Variants in MRPS28 observed in about 807,000 individuals in gnomAD.
MRPS28 encodes the protein mitochondrial ribosomal protein S28.
In MRPS28, 7 loss-of-function variants were observed where a neutral mutation model predicts 10.8. That is an observed-to-expected ratio of 0.65 (90% confidence interval 0.37 to 1.22). MRPS28 has a LOEUF of 1.22. Among genes scored for constraint, MRPS28 ranks in the 50% most tolerant of loss-of-function variants. The pLI is 0.02. For missense variants in MRPS28, 265 were observed against 232.9 expected, an observed-to-expected ratio of 1.14 and a Z score of -0.90; for synonymous variants, 121 against 93.3, an observed-to-expected ratio of 1.30 and a Z score of -1.71.
intron 2 of MRPS28, among the ~76,000 whole-genome samples, chr8:79,922,160 T>G (rs544500558): frequency 6.6e-5 from 10 of 152,338 alleles, no homozygotes; most frequent in Admixed American, 5.2e-4. Flanking sequence ...TGTAAAGTAC[T>G]CAGTATTTGG....
intron 1 of MRPS28, among the ~76,000 whole-genome samples, chr8:80,012,516 C>T (rs1809078987): frequency 6.6e-6 from 1 of 152,218 alleles, no homozygotes; most frequent in Non-Finnish European, 1.5e-5. Context: ...ACTGCAGAGA[C>T]TGGAAGCATA....
At chr8:80,003,320 T>C (rs1808713913) in intron 1 of MRPS28, 140 bp from the exon 2 acceptor site, 2 of 621,746 alleles carry the variant, frequency 3.2e-6, no homozygotes, top group Admixed American at 7.1e-5. Flanking sequence ...ATGCCAGTTA[T>C]GCTCTTCAAC....
chr8:80,021,006 CTTTTTTT>C (rs372456678), intron 1 of MRPS28, among the ~76,000 whole-genome samples: 1 of 143,196 alleles, frequency 7.0e-6, no homozygotes. Flanking sequence ...CACACACACA[CTTTTTTT>C]TTTTTTTTGA....
chr8:79,990,499 A>G (rs1808330995), intron 2 of MRPS28, among the ~76,000 whole-genome samples: 1 of 152,158 alleles, frequency 6.6e-6, no homozygotes, highest in East Asian at 1.9e-4. Context: ...CACCACCATC[A>G]TAACTTTTCA....
At chr8:79,944,506 C>T (rs1806849480) in intron 2 of MRPS28, among the ~76,000 whole-genome samples, 1 of 151,934 alleles carries the variant, frequency 6.6e-6, no homozygotes, top group Admixed American at 6.6e-5. Context: ...TTCATGAGAC[C>T]CTAATAATGA....
At chr8:79,993,947 C>T (rs1459595536) in intron 2 of MRPS28, among the ~76,000 whole-genome samples, 1 of 152,062 alleles carries the variant, frequency 6.6e-6, no homozygotes, top group Non-Finnish European at 1.5e-5. Context: ...AACAAAAGTA[C>T]AAATAAGATT....
intron 1 of MRPS28, among the ~76,000 whole-genome samples, chr8:80,014,959 G>C (rs543242305): frequency 8.3e-4 from 127 of 152,222 alleles, no homozygotes; most frequent in Non-Finnish European, 1.7e-3. Context: ...GGAGAGACAA[G>C]TGAATGCAGA....
chr8:80,018,091 T>C (rs2130227364), intron 1 of MRPS28, among the ~76,000 whole-genome samples: 1 of 151,984 alleles, frequency 6.6e-6, no homozygotes, highest in African/African-American at 2.4e-5. Context: ...ATATCAAGAC[T>C]ATCCTGGTTA....
intron 2 of MRPS28, among the ~76,000 whole-genome samples, chr8:79,971,679 T>C (rs12545981): frequency 0.59 from 89,523 of 152,110 alleles, 28,770 homozygotes; most frequent in East Asian, 0.78. Context: ...ACATGTTGTA[T>C]CACGTCTTAG....
At chr8:80,010,059 T>C (rs1808993567) in intron 1 of MRPS28, among the ~76,000 whole-genome samples, 1 of 152,242 alleles carries the variant, frequency 6.6e-6, no homozygotes. Flanking sequence ...GCTTGTTTTG[T>C]GCTATTCACT....
chr8:79,959,765 C>G (rs1324116296), intron 2 of MRPS28, among the ~76,000 whole-genome samples: 1 of 152,030 alleles, frequency 6.6e-6, no homozygotes, highest in Non-Finnish European at 1.5e-5. Context: ...AGATTATAAT[C>G]CTAGGCTTTT....
intron 1 of MRPS28, among the ~76,000 whole-genome samples, chr8:80,026,675 A>C (rs1809500272): frequency 6.6e-6 from 1 of 152,162 alleles, no homozygotes; most frequent in Non-Finnish European, 1.5e-5. Context: ...TTTTATTCTG[A>C]TGTGTCATGT....
At chr8:79,922,498 A>G (rs1275581000) in intron 2 of MRPS28, among the ~76,000 whole-genome samples, 1 of 152,186 alleles carries the variant, frequency 6.6e-6, no homozygotes, top group East Asian at 1.9e-4. Flanking sequence ...GATTAAGTAC[A>G]TGAGGTAATG....
chr8:79,945,484 T>G (rs1420614334), intron 2 of MRPS28, among the ~76,000 whole-genome samples: 1 of 152,152 alleles, frequency 6.6e-6, no homozygotes, highest in South Asian at 2.1e-4. Flanking sequence ...TAGACCCCCA[T>G]AGCAAACCAA....
At chr8:80,014,616 A>T (rs1809146854) in intron 1 of MRPS28, among the ~76,000 whole-genome samples, 1 of 152,178 alleles carries the variant, frequency 6.6e-6, no homozygotes, top group African/African-American at 2.4e-5. Flanking sequence ...TGGTGTTTGT[A>T]ATTATATCTA....
chr8:79,957,328 A>G (rs1274382165), intron 2 of MRPS28: 3 of 152,064 alleles, frequency 2.0e-5, no homozygotes, highest in African/African-American at 4.8e-5. Flanking sequence ...ATTTTTTGGC[A>G]TACTTTTGTT....
intron 2 of MRPS28, among the ~76,000 whole-genome samples, chr8:79,988,386 A>T (rs1808258101): frequency 6.6e-6 from 1 of 151,970 alleles, no homozygotes; most frequent in Non-Finnish European, 1.5e-5. Context: ...ACTAACCTGC[A>T]CATTGTGCAC....
At chr8:79,995,920 G>C (rs1406913361) in intron 2 of MRPS28, among the ~76,000 whole-genome samples, 1 of 152,030 alleles carries the variant, frequency 6.6e-6, no homozygotes, top group Non-Finnish European at 1.5e-5. Flanking sequence ...AGCAGACAAG[G>C]GCATAACAGC....
intron 2 of MRPS28, among the ~76,000 whole-genome samples, chr8:79,960,283 G>A (rs1478546910): frequency 6.6e-6 from 1 of 152,126 alleles, no homozygotes; most frequent in Admixed American, 6.6e-5. Context: ...GCTGCAGGCT[G>A]TAGACCTTGC....
Sources: allele counts gnomAD v4.1 joint callset (sites outside exome capture counted in the v4.1 genomes callset), GRCh38; gene constraint gnomAD v4.1.1; transcripts MANE v1.5; gene names NCBI Gene and HGNC (gene_info 2026-07-23, HGNC 2026-07-21).